Variants in CDH12 observed in about 807,000 individuals in gnomAD.
The protein encoded by CDH12 is cadherin 12.
Under a neutral mutation model 74.1 loss-of-function variants are expected in CDH12, and 41 were observed. The observed-to-expected ratio is 0.55, with a 90% confidence interval of 0.43 to 0.72. The LOEUF (loss-of-function observed/expected upper bound fraction) is 0.72, where lower values mean the gene tolerates loss of function less well. Ranked by LOEUF, CDH12 falls within the 30% of genes least tolerant of loss-of-function variation. The pLI, the probability that CDH12 is intolerant of heterozygous loss-of-function variation, is 0.00. For synonymous variants in CDH12, 399 were observed against 355.0 expected (o/e 1.12, Z -1.39); for missense variants, 945 against 977.2 (o/e 0.97, Z 0.44).
intron 2 of CDH12, among the ~76,000 whole-genome samples, chr5:22,465,177 T>C (rs1040078943): frequency 6.6e-6 from 1 of 152,190 alleles, no homozygotes; most frequent in Non-Finnish European, 1.5e-5. Context: ...GTTTTGTATA[T>C]CCAGTCTAAT....
chr5:21,882,078 A>G (rs1170989677), intron 6 of CDH12, among the ~76,000 whole-genome samples: 1 of 152,242 alleles, frequency 6.6e-6, no homozygotes, highest in African/African-American at 2.4e-5. Flanking sequence ...ATCAAACAAT[A>G]TTGCCAGTAT....
chr5:21,965,151 T>C (rs545018398), intron 6 of CDH12, among the ~76,000 whole-genome samples: 1 of 152,044 alleles, frequency 6.6e-6, no homozygotes, highest in Non-Finnish European at 1.5e-5. Context: ...TCAGAAATAG[T>C]AATTATATTT....
chr5:22,089,809 G>A (rs1005989404), intron 4 of CDH12, among the ~76,000 whole-genome samples: 4 of 151,832 alleles, frequency 2.6e-5, no homozygotes, highest in East Asian at 3.9e-4. Context: ...AAACAATGCC[G>A]TCTAAAATAA....
chr5:22,169,923 A>G (rs1433081064), intron 4 of CDH12, among the ~76,000 whole-genome samples: 3 of 151,930 alleles, frequency 2.0e-5, no homozygotes, highest in African/African-American at 4.8e-5. Context: ...ACTTGTTAAT[A>G]TATGTCTTCC....
intron 6 of CDH12, among the ~76,000 whole-genome samples, chr5:21,897,607 G>T (rs573240618): frequency 2.6e-5 from 4 of 152,232 alleles, no homozygotes; most frequent in South Asian, 4.1e-4. Flanking sequence ...AGCTCTAAAA[G>T]AATCCTAGAA....
At chr5:22,732,197 T>A (rs563350333) in intron 1 of CDH12, among the ~76,000 whole-genome samples, 1 of 151,914 alleles carries the variant, frequency 6.6e-6, no homozygotes, top group South Asian at 2.1e-4. Flanking sequence ...TTTTCTTGGC[T>A]TATAGCTGCC....
intron 3 of CDH12, among the ~76,000 whole-genome samples, chr5:22,341,930 T>TAA (rs923330356): frequency 6.8e-6 from 1 of 147,176 alleles, no homozygotes; most frequent in African/African-American, 2.5e-5. Flanking sequence ...TGGGCTACTA[T>TAA]AAAAAAAAAA....
chr5:21,839,220 C>T (rs1219117612), intron 8 of CDH12, among the ~76,000 whole-genome samples: 2 of 152,086 alleles, frequency 1.3e-5, no homozygotes, highest in African/African-American at 2.4e-5. Flanking sequence ...TGCATTATTT[C>T]TTTCTCCTTT....
chr5:22,583,784 T>C (rs2126787230), intron 1 of CDH12, among the ~76,000 whole-genome samples: 1 of 152,314 alleles, frequency 6.6e-6, no homozygotes, highest in African/African-American at 2.4e-5. Context: ...ACAGGCTTTT[T>C]TCTTAAAATG....
At chr5:22,713,158 T>C (rs1405224409) in intron 1 of CDH12, among the ~76,000 whole-genome samples, 1 of 99,662 alleles carries the variant, frequency 1.0e-5, no homozygotes, top group East Asian at 3.2e-4. Flanking sequence ...TTTTTTTTTT[T>C]TGAGGTGGAG....
At chr5:22,234,679 T>C (rs1752501233) in intron 3 of CDH12, among the ~76,000 whole-genome samples, 1 of 151,872 alleles carries the variant, frequency 6.6e-6, no homozygotes, top group African/African-American at 2.4e-5. Flanking sequence ...TCTTTATATG[T>C]GAATGTGCAT....
chr5:22,324,771 C>T (rs10473590), intron 3 of CDH12, among the ~76,000 whole-genome samples: 4,928 of 152,116 alleles, frequency 0.032, 260 homozygotes, highest in African/African-American at 0.11. Flanking sequence ...CTGTCTGATA[C>T]GTTCTTTAAG....
At chr5:22,531,229 T>C (rs1365606496) in intron 1 of CDH12, among the ~76,000 whole-genome samples, 1 of 152,072 alleles carries the variant, frequency 6.6e-6, no homozygotes, top group African/African-American at 2.4e-5. Flanking sequence ...TATACAAAAA[T>C]TTTGGGGGAA....
chr5:22,031,291 G>A lies in CDH12; in HGVS notation c.231+47155C>T, dbSNP rs888837642. On this transcript the variant is annotated intron_variant, in intron 5 of 14. Coordinates refer to ENST00000382254, the MANE Select transcript of CDH12 (RefSeq NM_004061.5). ...AGAGGTTGCAGTGAGCCAAGATCCTGCCACTGAACTCCAGCCTGGGCAACA... is the reference window on the plus strand; with the variant it reads ...AGAGGTTGCAGTGAGCCAAGATCCTACCACTGAACTCCAGCCTGGGCAACA... Among the ~76,000 whole-genome samples, 37 of 151,498 alleles carry A rather than the reference G, an allele frequency of 2.4e-4. 1 individual carries two copies. The highest frequency in any genetic ancestry group is 3.7e-4 in the Non-Finnish European group (25 of 67,962).
At chr5:22,725,593 A>AT (rs946928267) in intron 1 of CDH12, among the ~76,000 whole-genome samples, 11 of 86,586 alleles carry the variant, frequency 1.3e-4, no homozygotes, top group South Asian at 3.3e-4. Context: ...CCTTCAAGCC[A>AT]TTTTTTTTTA....
chr5:22,362,433 A>T (rs540187979), intron 3 of CDH12, among the ~76,000 whole-genome samples: 4 of 152,296 alleles, frequency 2.6e-5, no homozygotes, highest in Non-Finnish European at 5.9e-5. Context: ...AGGAAACATC[A>T]GGTGCTAGAG....
intron 1 of CDH12, among the ~76,000 whole-genome samples, chr5:22,711,199 T>C (rs1322806732): frequency 4.6e-5 from 7 of 152,112 alleles, no homozygotes; most frequent in Non-Finnish European, 2.9e-5. Flanking sequence ...ACAGATGTCA[T>C]AGCATCATAT....
intron 2 of CDH12, among the ~76,000 whole-genome samples, chr5:22,423,734 C>T (rs1446038082): frequency 6.6e-6 from 1 of 151,976 alleles, no homozygotes; most frequent in African/African-American, 2.4e-5. Context: ...CCGGGCGCAG[C>T]GGCTCAAGCG....
intron 1 of CDH12, among the ~76,000 whole-genome samples, chr5:22,689,597 G>C (rs1016577955): frequency 3.5e-5 from 5 of 143,540 alleles, no homozygotes. Flanking sequence ...CCTATATATT[G>C]CAAGAACTTA....
Sources: gnomAD v4.1 joint callset for allele counts (sites outside exome capture counted in the v4.1 genomes callset) on GRCh38, gnomAD v4.1.1 for gene constraint, MANE v1.5 for transcripts, NCBI Gene and HGNC (gene_info 2026-07-23, HGNC 2026-07-21) for gene names.